The following FCHSD2 variants were observed in gnomAD, a reference collection of about 807,000 sequenced individuals.
FCHSD2 encodes F-BAR and double SH3 domains protein 2.
In FCHSD2, 38 loss-of-function variants were observed where a neutral mutation model predicts 108.1. The ratio of observed to expected loss-of-function variants is 0.35; its 90% confidence interval spans 0.27 to 0.46. The LOEUF is 0.46. FCHSD2 is among the 20% of genes least tolerant of loss of function. FCHSD2 has a pLI of 1.00. For synonymous variants in FCHSD2, 279 were observed against 314.7 expected (o/e 0.89, Z 1.20); for missense variants, 751 against 897.8 (o/e 0.84, Z 2.09).
intron 13 of FCHSD2, among the ~76,000 whole-genome samples, chr11:72,865,591 G>A (rs537111698): frequency 2.6e-5 from 4 of 151,534 alleles, no homozygotes; most frequent in African/African-American, 7.2e-5. Flanking sequence ...CCTTCACAAC[G>A]AGAACAGCCC....
rs183503641 is a variant in FCHSD2 at position 73,007,495 on chromosome 11, G to T, written c.243-6361C>A. 1.6e-3 allele frequency among the ~76,000 whole-genome samples: 238 copies of T among 152,150 alleles called. 3 individuals are homozygous for T. Among genetic ancestry groups the T allele is most frequent in the Admixed American group, 0.013 (197 of 15,292 alleles). On this transcript the variant is annotated intron_variant, in intron 4 of 19. Coordinates refer to ENST00000409418, the MANE Select transcript of FCHSD2 (RefSeq NM_014824.3). ...AAAATTAGCCAAGCATGGTGGTAGT[G>T]GTGGCTATGCAGGAGGTGATGTGGA... is the stretch of plus-strand genomic sequence containing the variant.
chr11:73,080,397 C>A (rs117218917), intron 3 of FCHSD2, among the ~76,000 whole-genome samples: 2 of 151,346 alleles, frequency 1.3e-5, no homozygotes, highest in Admixed American at 1.3e-4. Flanking sequence ...TTCCACTGTA[C>A]CTGCATACAT....
At chr11:72,940,061 A>C (rs1233864858) in intron 8 of FCHSD2, among the ~76,000 whole-genome samples, 1 of 152,190 alleles carries the variant, frequency 6.6e-6, no homozygotes, top group African/African-American at 2.4e-5. Context: ...AATGCAAGCA[A>C]ATCAAAATTG....
chr11:72,936,293 T>C (rs1436778154), intron 8 of FCHSD2, among the ~76,000 whole-genome samples: 1 of 152,256 alleles, frequency 6.6e-6, no homozygotes, highest in East Asian at 1.9e-4. Context: ...TGAGTCTGAC[T>C]CTATTATGTA....
chr11:73,125,540 C>A (rs1860834975), intron 2 of FCHSD2, among the ~76,000 whole-genome samples: 1 of 151,960 alleles, frequency 6.6e-6, no homozygotes, highest in Admixed American at 6.6e-5. Flanking sequence ...CCTGTCTCTA[C>A]TAAGAATTTA....
rs1370857093 is a variant in FCHSD2, at chr11:73,035,148, TTTTA to T, written c.166-19267_166-19264del. On this transcript the variant is annotated intron_variant, in intron 3 of 19. Transcript: ENST00000409418. ...TATTTAACTTGTTTTTAGTTTTTAT[TTTTA>T]TGTATGTATGTATGTATGTATGTAT... 9.2e-5 allele frequency among the ~76,000 whole-genome samples: 13 copies of T among 140,668 alleles called. No individual in the cohort carries two copies. The South Asian group carries it at 9.3e-4, about 10-fold the overall frequency. 92.3% of individuals were successfully genotyped at this position (140,668 alleles called of 152,430 possible).
At chr11:73,129,674 T>C (rs775642694) in intron 2 of FCHSD2, among the ~76,000 whole-genome samples, 43 of 152,136 alleles carry the variant, frequency 2.8e-4, no homozygotes, top group Non-Finnish European at 4.0e-4. Context: ...GTAACAATAA[T>C]AGGAATAAAG....
chr11:73,106,585 A>AT (rs1860350436), intron 2 of FCHSD2, among the ~76,000 whole-genome samples: 2 of 152,258 alleles, frequency 1.3e-5, no homozygotes, highest in African/African-American at 4.8e-5. Flanking sequence ...AGAATTTAAC[A>AT]TTGTTGCAGG....
rs1014072328 is a variant in FCHSD2, at chr11:73,057,911, G to A, written c.165+25784C>T. Among the ~76,000 whole-genome samples the A allele has an allele frequency of 5.4e-5, 8 of 146,802 alleles. 1 individual carries two copies. The highest frequency in any genetic ancestry group is 1.3e-4 in the African/African-American group (5 of 39,466). ...TTTTTTTTTTTTGAGACAGAGTCTC[G>A]CTCTGTCGCCCAGGCTGGAGTGCAG... is the stretch of plus-strand genomic sequence containing the variant. On this transcript the variant is annotated intron_variant, in intron 3 of 19. Coordinates refer to ENST00000409418, the MANE Select transcript of FCHSD2 (RefSeq NM_014824.3).
At chr11:73,100,533 T>C (rs1300544218) in intron 2 of FCHSD2, among the ~76,000 whole-genome samples, 1 of 152,082 alleles carries the variant, frequency 6.6e-6, no homozygotes, top group Non-Finnish European at 1.5e-5. Context: ...CTGGCTAATT[T>C]TGTGTTTTTA....
chr11:73,040,135 G>A lies in FCHSD2; in HGVS notation c.166-24250C>T, dbSNP rs375668527. Among the ~76,000 whole-genome samples the A allele has an allele frequency of 2.6e-5, 4 of 152,040 alleles. No homozygotes were observed. In the East Asian group the frequency reaches 5.8e-4, roughly 22 times the overall value. On this transcript the variant is annotated intron_variant, in intron 3 of 19. Coordinates refer to ENST00000409418, the MANE Select transcript of FCHSD2 (RefSeq NM_014824.3). ...GATAACCAGATAATGTTACACAAAG[G>A]CTGAGTTCATTTGTTTTGGACAGGT...
intron 8 of FCHSD2, among the ~76,000 whole-genome samples, chr11:72,957,898 A>G (rs1856745760): frequency 6.6e-6 from 1 of 152,214 alleles, no homozygotes; most frequent in African/African-American, 2.4e-5. Flanking sequence ...AGGAGTTTGT[A>G]CTTTCTTGCA....
At chr11:72,970,511 G>A (rs1296764088) in intron 8 of FCHSD2, among the ~76,000 whole-genome samples, 1 of 152,132 alleles carries the variant, frequency 6.6e-6, no homozygotes, top group Non-Finnish European at 1.5e-5. Context: ...TGGCATTTTA[G>A]AATTCTTTCC....
At position 73,033,005 on chromosome 11, in the gene FCHSD2, T is replaced by C. The variant is rs147695446; in HGVS notation, c.166-17120A>G. ...GAAACATGGATTAAGAGTACTTAGATTGGCCGGGTGCGGTGGCTCACACCT... is the reference window on the plus strand; with the variant it reads ...GAAACATGGATTAAGAGTACTTAGACTGGCCGGGTGCGGTGGCTCACACCT... On this transcript the variant is annotated intron_variant, in intron 3 of 19. Transcript: ENST00000409418. Among the ~76,000 whole-genome samples, 361 of 152,146 alleles carry C rather than the reference T, an allele frequency of 2.4e-3. 1 individual carries two copies. Among genetic ancestry groups the C allele is most frequent in the Admixed American group, 4.3e-3 (66 of 15,272 alleles).
At chr11:73,096,232 A>T (rs1364909932) in intron 2 of FCHSD2, among the ~76,000 whole-genome samples, 1 of 152,014 alleles carries the variant, frequency 6.6e-6, no homozygotes, top group Non-Finnish European at 1.5e-5. Context: ...TGAATTTTTA[A>T]ACTTCTTGTA....
intron 9 of FCHSD2, among the ~76,000 whole-genome samples, chr11:72,906,356 T>A (rs1855630175): frequency 6.6e-6 from 1 of 151,798 alleles, no homozygotes; most frequent in Non-Finnish European, 1.5e-5. Flanking sequence ...TTGCAAAGAT[T>A]TTCTCCCATT....
At chr11:73,071,946 G>A (rs1333236853) in intron 3 of FCHSD2, among the ~76,000 whole-genome samples, 1 of 151,988 alleles carries the variant, frequency 6.6e-6, no homozygotes, top group African/African-American at 2.4e-5. Flanking sequence ...AGAGTCCACA[G>A]CATAAACTGA....
At chr11:73,068,802 T>C (rs1178563760) in intron 3 of FCHSD2, among the ~76,000 whole-genome samples, 90 of 114,346 alleles carry the variant, frequency 7.9e-4, no homozygotes, top group African/African-American at 2.9e-3. Flanking sequence ...AGACCTCATC[T>C]CTACAAAAAG....
At chr11:72,899,019 A>G (rs1468125040) in intron 10 of FCHSD2, among the ~76,000 whole-genome samples, 1 of 152,216 alleles carries the variant, frequency 6.6e-6, no homozygotes, top group East Asian at 1.9e-4. Context: ...TGTTGGGATT[A>G]CAGGCGTAAG....
Sources: allele counts gnomAD v4.1 joint callset (sites outside exome capture counted in the v4.1 genomes callset), GRCh38; gene constraint gnomAD v4.1.1; transcripts MANE v1.5; gene names NCBI Gene and HGNC (gene_info 2026-07-23, HGNC 2026-07-21).